The following PTPRN2 variants were observed in gnomAD, a reference collection of about 807,000 sequenced individuals.
PTPRN2 encodes receptor-type tyrosine-protein phosphatase N2.
PTPRN2 carries 74 observed loss-of-function variants against 118.8 expected under a neutral mutation model. The ratio of observed to expected loss-of-function variants is 0.62; its 90% CI spans 0.52 to 0.76. PTPRN2 has a LOEUF of 0.76. Among genes scored for constraint, PTPRN2 ranks in the 30% least tolerant of loss-of-function variants. The probability of loss-of-function intolerance (pLI) is 0.00; values close to 1 mark genes in which losing one functional copy is unlikely to be tolerated. For missense variants in PTPRN2, 1,481 were observed against 1,394.4 expected (o/e 1.06, Z -0.99); for synonymous variants, 641 against 608.0 (o/e 1.05, Z -0.80).
At chr7:158,402,315 T>A (rs1184652070) in intron 2 of PTPRN2, among the ~76,000 whole-genome samples, 1 of 152,074 alleles carries the variant, frequency 6.6e-6, no homozygotes, top group African/African-American at 2.4e-5. Flanking sequence ...ATTGGAAATC[T>A]GGGGGTACAA....
chr7:158,271,266 C>G (rs1052102238), intron 3 of PTPRN2, among the ~76,000 whole-genome samples: 7 of 152,246 alleles, frequency 4.6e-5, no homozygotes, highest in African/African-American at 1.7e-4. Context: ...CACCCAGTCA[C>G]TGGAATTCTT....
At chr7:157,805,619 A>G (rs1302668989) in intron 12 of PTPRN2, among the ~76,000 whole-genome samples, 2 of 152,208 alleles carry the variant, frequency 1.3e-5, no homozygotes, top group East Asian at 3.8e-4. Flanking sequence ...GTGTCAGGTT[A>G]TGGCTCCACA....
intron 12 of PTPRN2, among the ~76,000 whole-genome samples, chr7:157,782,109 G>C (rs1201199029): frequency 6.6e-6 from 1 of 152,218 alleles, no homozygotes; most frequent in Admixed American, 6.5e-5. Flanking sequence ...CAAAGGTGTG[G>C]GTGGATTTGC....
intron 12 of PTPRN2, among the ~76,000 whole-genome samples, chr7:157,791,491 C>T (rs200770289): frequency 0.01 from 1,567 of 152,224 alleles, 37 homozygotes; most frequent in African/African-American, 0.036. Context: ...CGCCTCCACA[C>T]GCCTGCCTGG....
intron 1 of PTPRN2, among the ~76,000 whole-genome samples, chr7:158,542,632 C>A (rs1304642909): frequency 2.6e-5 from 4 of 152,228 alleles, no homozygotes; most frequent in African/African-American, 9.6e-5. Flanking sequence ...CAACGCTCAA[C>A]CCAAGCAAGT....
At chr7:157,705,466 T>A (rs952510737) in intron 12 of PTPRN2, among the ~76,000 whole-genome samples, 3 of 151,874 alleles carry the variant, frequency 2.0e-5, no homozygotes, top group African/African-American at 7.3e-5. Flanking sequence ...TGGGCCACAT[T>A]CCCCCAGAAT....
At position 158,500,113 on chromosome 7, in the gene PTPRN2, C is replaced by T. The variant is rs139652087; in HGVS notation, c.113-10328G>A. Among the ~76,000 whole-genome samples the T allele has an allele frequency of 2.6e-5, 4 of 151,484 alleles. No individual in the cohort carries two copies. In the East Asian group the frequency reaches 7.8e-4, roughly 29 times the overall value. The stretch of plus-strand genomic sequence containing the variant: ...TAGGAAAGAATATTGCCTTCTGCTC[C>T]TTTAGACACCTGTCCACAAACACCA... On this transcript the variant is annotated intron_variant, in intron 1 of 22. Coordinates refer to ENST00000389418, the MANE Select transcript of PTPRN2 (RefSeq NM_002847.5).
At chr7:158,169,697 T>A (rs1252823019) in intron 5 of PTPRN2, among the ~76,000 whole-genome samples, 1 of 152,066 alleles carries the variant, frequency 6.6e-6, no homozygotes, top group Non-Finnish European at 1.5e-5. Flanking sequence ...CTCTAAGATT[T>A]TTTTTTTTCT....
At chr7:157,573,058 T>G (rs1391398386) in intron 19 of PTPRN2, among the ~76,000 whole-genome samples, 4 of 152,226 alleles carry the variant, frequency 2.6e-5, no homozygotes, top group Non-Finnish European at 5.9e-5. Context: ...CAGACCCACT[T>G]ATGTCTACTT....
rs535657849 is a variant in PTPRN2, at chr7:158,276,223, G to T, written c.277+40596C>A. Among the ~76,000 whole-genome samples the T allele has an allele frequency of 4.7e-4, 37 of 79,446 alleles. 1 individual carries two copies. Among genetic ancestry groups the T allele is most frequent in the Middle Eastern group, 6.3e-3 (1 of 160 alleles). 52.1% of individuals were successfully genotyped at this position (79,446 alleles called of 152,430 possible). A position where few individuals can be genotyped will look rare whatever the true frequency, so the allele number is the denominator to read the frequency against. On this transcript the variant is annotated intron_variant, in intron 3 of 22. Transcript: ENST00000389418. ...CTGCCCTGGCCCCGGCAGGCTGTAAGGTAGCACCCCCACATCCCGGTCCTG... is the reference window on the plus strand; with the variant it reads ...CTGCCCTGGCCCCGGCAGGCTGTAATGTAGCACCCCCACATCCCGGTCCTG...
intron 2 of PTPRN2, among the ~76,000 whole-genome samples, chr7:158,444,122 A>G (rs1817567807): frequency 6.6e-6 from 1 of 152,186 alleles, no homozygotes; most frequent in African/African-American, 2.4e-5. Context: ...TCACCCCTCC[A>G]ACAGGCAGGG....
intron 14 of PTPRN2, among the ~76,000 whole-genome samples, chr7:157,643,241 T>C (rs1804815686): frequency 6.6e-6 from 1 of 152,180 alleles, no homozygotes; most frequent in South Asian, 2.1e-4. Context: ...GGTCAGAGAA[T>C]TTTTCCTTTA....
chr7:158,156,618 G>A (rs1039622907), intron 6 of PTPRN2, among the ~76,000 whole-genome samples: 2 of 152,166 alleles, frequency 1.3e-5, no homozygotes, highest in Non-Finnish European at 2.9e-5. Context: ...TCAGACGCTC[G>A]GCATGATCAG....
chr7:157,911,464 G>A (rs1395372401), intron 11 of PTPRN2, among the ~76,000 whole-genome samples: 2 of 152,218 alleles, frequency 1.3e-5, no homozygotes, highest in Non-Finnish European at 2.9e-5. Flanking sequence ...CGGGCTCCTG[G>A]AAATGATTCC....
chr7:158,058,387 A>G (rs1809994027), intron 11 of PTPRN2, among the ~76,000 whole-genome samples: 1 of 141,760 alleles, frequency 7.1e-6, no homozygotes, highest in Non-Finnish European at 1.5e-5. Flanking sequence ...GCCACACTCC[A>G]TCTGCCCACG....
chr7:158,048,737 T>C (rs1021401667), intron 11 of PTPRN2, among the ~76,000 whole-genome samples: 2 of 151,888 alleles, frequency 1.3e-5, no homozygotes, highest in South Asian at 4.2e-4. Context: ...ACCATCACCA[T>C]CATCACTATC....
At chr7:157,559,213 GGCT>G (rs1461015389) in intron 21 of PTPRN2, among the ~76,000 whole-genome samples, 1 of 152,246 alleles carries the variant, frequency 6.6e-6, no homozygotes, top group Admixed American at 6.5e-5. Context: ...CAAAAGGCCA[GGCT>G]GCATGTGCCT....
At chr7:158,305,951 A>C (rs1801256613) in intron 3 of PTPRN2, among the ~76,000 whole-genome samples, 1 of 152,094 alleles carries the variant, frequency 6.6e-6, no homozygotes, top group Non-Finnish European at 1.5e-5. Flanking sequence ...AGTAAAAACC[A>C]ACAGCCTGGA....
At chr7:157,814,973 C>T (rs6955476) in intron 12 of PTPRN2, among the ~76,000 whole-genome samples, 8,196 of 152,242 alleles carry the variant, frequency 0.054, 303 homozygotes, top group African/African-American at 0.091. Flanking sequence ...TGCATGGTGA[C>T]GGTGATGTTT....
Sources: gnomAD v4.1 joint callset for allele counts (sites outside exome capture counted in the v4.1 genomes callset) on GRCh38, gnomAD v4.1.1 for gene constraint, MANE v1.5 for transcripts, NCBI Gene and HGNC (gene_info 2026-07-23, HGNC 2026-07-21) for gene names.